The following SUN3 variants were observed in gnomAD, a reference collection of about 807,000 sequenced individuals.
SUN3 encodes Sad1 and UNC84 domain containing 3.
A neutral mutation model predicts 48.2 loss-of-function variants in SUN3; 36 were observed. That is an observed-to-expected ratio of 0.75 (90% CI 0.57 to 0.99). SUN3 has a LOEUF of 0.99. Ranked by LOEUF, SUN3 falls within the 50% of genes least tolerant of loss-of-function variation. The pLI is 0.00. For synonymous variants in SUN3, 148 were observed against 147.9 expected, an observed-to-expected ratio of 1.00 and a Z score of 0.00; for missense variants, 419 against 433.1, an observed-to-expected ratio of 0.97 and a Z score of 0.29.
intron 2 of SUN3, among the ~76,000 whole-genome samples, chr7:48,021,444 G>A (rs1789993203): frequency 6.6e-6 from 1 of 151,024 alleles, no homozygotes; most frequent in Non-Finnish European, 1.5e-5. Context: ...GACAGCAAAG[G>A]ATACAATCAA....
intron 2 of SUN3, among the ~76,000 whole-genome samples, chr7:48,020,826 T>A (rs1361985791): frequency 6.6e-6 from 1 of 152,070 alleles, no homozygotes; most frequent in African/African-American, 2.4e-5. Flanking sequence ...AATTAGAAGA[T>A]CAATATTGCT....
chr7:47,999,091 T>G (rs1789289589), intron 6 of SUN3, among the ~76,000 whole-genome samples: 1 of 152,232 alleles, frequency 6.6e-6, no homozygotes, highest in Admixed American at 6.5e-5. Flanking sequence ...TGGACAGTAT[T>G]GTCATCTTAA....
In SUN3 at chr7:48,007,154, T is replaced by G. The variant is rs1789547031; in HGVS notation, c.492+11A>C. On this transcript the variant is annotated intron_variant, in intron 5 of 9. Coordinates refer to ENST00000297325, the MANE Select transcript of SUN3 (RefSeq NM_001030019.2). ...CCCACCCTGCCCAACCCGCCTAGCC[T>G]CATCCAGGACCTCTGTGTGGTCCGG... 5 of 1,370,338 alleles carry G rather than the reference T, an allele frequency of 3.6e-6. No individual in the cohort carries two copies. The highest frequency in any genetic ancestry group is 5.0e-6 in the Non-Finnish European group (5 of 992,976). The allele number at this position is 1,370,338 out of a possible 1,614,324, so 84.9% of individuals were successfully genotyped here. A position where few individuals can be genotyped will look rare whatever the true frequency, so the allele number is the denominator to read the frequency against.
chr7:48,002,347 A>G (rs1282194627), intron 6 of SUN3, among the ~76,000 whole-genome samples: 1 of 139,582 alleles, frequency 7.2e-6, no homozygotes, highest in East Asian at 1.9e-4. Flanking sequence ...TTTAGTAGAG[A>G]TGGGGTTTCA....
intron 2 of SUN3, among the ~76,000 whole-genome samples, chr7:48,020,843 C>T (rs1022089256): frequency 1.6e-4 from 25 of 152,112 alleles, no homozygotes; most frequent in Non-Finnish European, 3.4e-4. Context: ...TGCTAAATGT[C>T]CATACTACCC....
chr7:47,999,714 T>C (rs1253212357), intron 6 of SUN3, among the ~76,000 whole-genome samples: 3 of 152,172 alleles, frequency 2.0e-5, no homozygotes, highest in Non-Finnish European at 4.4e-5. Flanking sequence ...TTTGTATTTT[T>C]AGTACAGCCG....
chr7:48,020,521 A>T lies in SUN3; in HGVS notation c.185-3156T>A, dbSNP rs1789964516. ...CATCCAAACTGCAATGAAAGAAGTT[A>T]AATTATCCTTGCTTGCTGATAATAT... is the stretch of plus-strand genomic sequence containing the variant. On this transcript the variant is annotated intron_variant, in intron 2 of 9. Coordinates refer to ENST00000297325, the MANE Select transcript of SUN3 (RefSeq NM_001030019.2). Among the ~76,000 whole-genome samples the T allele has an allele frequency of 2.0e-5, 3 of 152,240 alleles. No individual in the cohort carries two copies. The South Asian group carries it at 6.2e-4, about 31-fold the overall frequency.
chr7:47,997,980 T>A (rs1789258327), intron 6 of SUN3, among the ~76,000 whole-genome samples: 1 of 152,248 alleles, frequency 6.6e-6, no homozygotes, highest in Non-Finnish European at 1.5e-5. Context: ...TTAGTCTTTG[T>A]TGATGGACAT....
intron 6 of SUN3, among the ~76,000 whole-genome samples, chr7:48,000,421 G>T (rs1789330966): frequency 6.6e-6 from 1 of 152,226 alleles, no homozygotes; most frequent in South Asian, 2.1e-4. Context: ...TACAAGGCAT[G>T]AGCCACTGTG....
intron 1 of SUN3, among the ~76,000 whole-genome samples, chr7:48,026,812 C>A (rs1790147964): frequency 6.6e-6 from 1 of 152,124 alleles, no homozygotes; most frequent in Non-Finnish European, 1.5e-5. Context: ...AGTGAGAAGG[C>A]AATCCAGGAA....
At position 48,028,915 on chromosome 7, in the gene SUN3, T is replaced by G. The variant is rs1790212554; in HGVS notation, c.24A>C (p.Arg8Ser). The change falls in exon 1 of 10, where the codon AGA becomes AGC. Residue 8 changes from arginine (R) to serine (S), a missense_variant. Arg to Ser is a moderately radical substitution (Grantham distance 110). Transcript: ENST00000297325. MSGKTKA[R>S]RAAMFFRRCS... ...AACGTCTAAAAAACATGGCAGCCCT[T>G]CTTGCCTTTGTTTTTCCACTCATGA... is the stretch of plus-strand genomic sequence containing the variant. The G allele has an allele frequency of 6.2e-7, 1 of 1,613,806 alleles. No homozygotes were observed. Among genetic ancestry groups the G allele is most frequent in the Non-Finnish European group, 8.5e-7 (1 of 1,179,856 alleles).
chr7:48,030,828 C>T (rs1790246193), upstream of SUN3, among the ~76,000 whole-genome samples: 2 of 152,124 alleles, frequency 1.3e-5, no homozygotes. Flanking sequence ...AATAAATCCG[C>T]ACATATACAG....
chr7:48,017,512 G>A, intron 2 of SUN3, 147 bp from the exon 3 acceptor site: 2 of 614,320 alleles, frequency 3.3e-6, no homozygotes, highest in Non-Finnish European at 5.7e-6. Context: ...GGAAAATGGT[G>A]GAATAGTACA....
intron 8 of SUN3, among the ~76,000 whole-genome samples, chr7:47,990,175 G>A (rs1307802673): frequency 6.6e-6 from 1 of 151,984 alleles, no homozygotes; most frequent in South Asian, 2.1e-4. Flanking sequence ...TCTCCTGCTC[G>A]TCCCTGGGCA....
At chr7:48,029,854 A>C (rs1790230527), upstream of SUN3, among the ~76,000 whole-genome samples, 2 of 152,188 alleles carry the variant, frequency 1.3e-5, no homozygotes, top group African/African-American at 2.4e-5. Flanking sequence ...GTTGTTGATG[A>C]GAATTCTGTC....
intron 6 of SUN3, among the ~76,000 whole-genome samples, chr7:48,003,032 T>G (rs879308382): frequency 3.3e-5 from 5 of 150,738 alleles, no homozygotes; most frequent in Admixed American, 1.3e-4. Flanking sequence ...GGGTTTTCTT[T>G]TTTTTTTTGT....
In SUN3 at chr7:47,994,403, A is replaced by G. The variant is rs775871269; in HGVS notation, c.773T>C (p.Ile258Thr). The G allele has an allele frequency of 8.1e-6, 13 of 1,613,134 alleles. No individual in the cohort carries two copies. The highest frequency in any genetic ancestry group is 9.3e-6 in the Non-Finnish European group (11 of 1,179,668). The change falls in exon 8 of 10, where the codon ATA (isoleucine) becomes ACA (threonine). Residue 258 changes from isoleucine (I) to threonine (T), a missense_variant. By Grantham distance (89) the Ile-to-Thr change is moderately conservative (BLOSUM62 -1). Transcript: ENST00000297325. ...HTLIKLATKI[I>T]PTAVTMEHIS... The stretch of plus-strand genomic sequence containing the variant: ...GTGCTCCATGGTAACAGCAGTTGGT[A>G]TGATCTTTGTAGCAAGCTTGATTAG...
intron 2 of SUN3, among the ~76,000 whole-genome samples, chr7:48,024,860 A>G (rs1404225854): frequency 6.6e-6 from 1 of 152,172 alleles, no homozygotes; most frequent in Non-Finnish European, 1.5e-5. Context: ...ATTCATGAGG[A>G]ATCTGTCCTC....
intron 3 of SUN3, among the ~76,000 whole-genome samples, chr7:48,012,548 A>G (rs181454261): frequency 6.6e-6 from 1 of 152,320 alleles, no homozygotes; most frequent in East Asian, 1.9e-4. Flanking sequence ...CCCATAAGAT[A>G]TCTAACTTTA....
Sources: allele counts gnomAD v4.1 joint callset (sites outside exome capture counted in the v4.1 genomes callset), GRCh38; gene constraint gnomAD v4.1.1; transcripts MANE v1.5; gene names NCBI Gene and HGNC (gene_info 2026-07-23, HGNC 2026-07-21).